The following MEGF9 variants were observed in gnomAD, a reference collection of about 807,000 sequenced individuals.
MEGF9 encodes multiple epidermal growth factor-like domains protein 9.
A neutral mutation model predicts 46.8 loss-of-function variants in MEGF9; 6 were observed. The observed-to-expected ratio is 0.13, with a 90% confidence interval of 0.07 to 0.25. MEGF9 has a LOEUF of 0.25. Among genes scored for constraint, MEGF9 ranks in the 10% least tolerant of loss-of-function variants. MEGF9 has a pLI of 1.00. For missense variants in MEGF9, 683 were observed against 792.4 expected (o/e 0.86, Z 1.66); for synonymous variants, 302 against 330.7 (o/e 0.91, Z 0.94).
intron 2 of MEGF9, among the ~76,000 whole-genome samples, chr9:120,627,498 C>T (rs950946640): frequency 6.6e-6 from 1 of 152,082 alleles, no homozygotes; most frequent in Non-Finnish European, 1.5e-5. Context: ...CTTGCTCTGT[C>T]ACCCAGGTTG....
intron 3 of MEGF9, among the ~76,000 whole-genome samples, chr9:120,621,056 G>A (rs764915069): frequency 4.6e-5 from 7 of 152,106 alleles, no homozygotes; most frequent in Non-Finnish European, 8.8e-5. Context: ...ATGTTTCCAA[G>A]GAAGGATACT....
intron 1 of MEGF9, among the ~76,000 whole-genome samples, chr9:120,690,490 T>C (rs1046942795): frequency 6.6e-6 from 1 of 152,176 alleles, no homozygotes; most frequent in African/African-American, 2.4e-5. Context: ...CAATGATACA[T>C]CAGATGTAGA....
intron 1 of MEGF9, among the ~76,000 whole-genome samples, chr9:120,713,140 C>G (rs1198372959): frequency 1.3e-5 from 2 of 152,220 alleles, no homozygotes; most frequent in African/African-American, 4.8e-5. Context: ...AGATACACAC[C>G]TGTCCCAAAT....
rs545565594 is a variant in MEGF9 at position 120,704,086 on chromosome 9, C to T, written c.601+9672G>A. Among the ~76,000 whole-genome samples, 23 of 152,306 alleles carry T rather than the reference C, an allele frequency of 1.5e-4. No homozygotes were observed. The South Asian group carries it at 4.8e-3, about 32-fold the overall frequency. On this transcript the variant is annotated intron_variant, in intron 1 of 5. Coordinates refer to ENST00000373930, the MANE Select transcript of MEGF9 (RefSeq NM_001080497.3). ...CGGTGGCTCACACCTGTAATCCCAG[C>T]ACTTTGGGAGGCCAAGGCGGGCGGA...
At chr9:120,684,132 G>C (rs1253030275) in intron 1 of MEGF9, among the ~76,000 whole-genome samples, 3 of 152,156 alleles carry the variant, frequency 2.0e-5, no homozygotes, top group Non-Finnish European at 4.4e-5. Flanking sequence ...AGGTAGACTA[G>C]GGCTACAGGT....
At chr9:120,701,249 A>G (rs2043903782) in intron 1 of MEGF9, among the ~76,000 whole-genome samples, 1 of 152,208 alleles carries the variant, frequency 6.6e-6, no homozygotes, top group East Asian at 1.9e-4. Flanking sequence ...TAAAAGCACT[A>G]GATTATTAAA....
chr9:120,601,647 T>C lies in MEGF9; in HGVS notation c.*3543A>G, dbSNP rs751710759. 2 of 152,234 alleles carry C rather than the reference T, an allele frequency of 1.3e-5. No individual in the cohort carries two copies. The highest frequency in any genetic ancestry group is 2.9e-5 in the Non-Finnish European group (2 of 68,034). 9.4% of individuals were successfully genotyped at this position (152,234 alleles called of 1,614,324 possible). ...GTTCTCTACTCTTAAAATCTAGGTA[T>C]CACTGGGAAGAGTAACGCACTAGGC... On this transcript the variant is annotated 3_prime_UTR_variant, in exon 6 of 6. Transcript: ENST00000373930.
chr9:120,658,061 T>G (rs1382993770), intron 2 of MEGF9, among the ~76,000 whole-genome samples: 1 of 152,120 alleles, frequency 6.6e-6, no homozygotes, highest in Admixed American at 6.5e-5. Flanking sequence ...CTCAGCTCAC[T>G]GCAACCTCCA....
chr9:120,665,258 T>G (rs1587988987), intron 1 of MEGF9, among the ~76,000 whole-genome samples: 1 of 151,622 alleles, frequency 6.6e-6, no homozygotes, highest in African/African-American at 2.4e-5. Context: ...TAGGCTGGAG[T>G]GTGGTGACAC....
chr9:120,622,611 C>T lies in MEGF9; in HGVS notation c.943+5G>A, dbSNP rs377327980. ...TTACATGACAAAGTTAAGGAAAGTA[C>T]GTACCTGTGAGGGCATCGCAACTGG... On this transcript the variant is annotated splice_donor_5th_base_variant and intron_variant, in intron 3 of 5. Coordinates refer to ENST00000373930, the MANE Select transcript of MEGF9 (RefSeq NM_001080497.3). 7.2e-5 allele frequency: 116 copies of T among 1,612,912 alleles called. No individual in the cohort carries two copies. Among genetic ancestry groups the T allele is most frequent in the Non-Finnish European group, 4.6e-5 (54 of 1,179,664 alleles).
In MEGF9 at chr9:120,601,596, C is replaced by G. The variant is rs1345596258; in HGVS notation, c.*3594G>C. On this transcript the variant is annotated 3_prime_UTR_variant, in exon 6 of 6. Coordinates refer to ENST00000373930, the MANE Select transcript of MEGF9 (RefSeq NM_001080497.3). ...TCTACAAATGTTGTCTAAAAAACCT[C>G]TCTCCTCTCATCCCATGTTTCCTCT... is the stretch of plus-strand genomic sequence containing the variant. 1 of 152,180 alleles carries G rather than the reference C, an allele frequency of 6.6e-6. No homozygotes were observed. Among genetic ancestry groups the G allele is most frequent in the African/African-American group, 2.4e-5 (1 of 41,438 alleles). 9.4% of individuals were successfully genotyped at this position (152,180 alleles called of 1,614,324 possible). A position where few individuals can be genotyped will look rare whatever the true frequency, so the allele number is the denominator to read the frequency against.
At chr9:120,609,998 T>C (rs1315189726) in intron 4 of MEGF9, among the ~76,000 whole-genome samples, 1 of 150,148 alleles carries the variant, frequency 6.7e-6, no homozygotes, top group African/African-American at 2.5e-5. Flanking sequence ...TCCCAGAGTG[T>C]GCAACTGATA....
intron 4 of MEGF9, among the ~76,000 whole-genome samples, chr9:120,608,650 C>T (rs1305847311): frequency 3.3e-5 from 5 of 152,120 alleles, no homozygotes; most frequent in Non-Finnish European, 4.4e-5. Flanking sequence ...TACTAACTTC[C>T]TGTACACCTG....
At chr9:120,678,318 T>C (rs1323614594) in intron 1 of MEGF9, among the ~76,000 whole-genome samples, 2 of 152,206 alleles carry the variant, frequency 1.3e-5, no homozygotes, top group Non-Finnish European at 2.9e-5. Context: ...GTGAGATTGA[T>C]GGATTGTATT....
rs768414264 is a variant in MEGF9, at chr9:120,605,438, T to G, written c.1561A>C (p.Ile521Leu). ...ATTAGCAGCACCACAACAATGATGA[T>G]GACTGTCAAAATGATGATGTTAAAT... Reference protein sequence around the residue: ...TQFNIIILTVIIIVVVLLMGF... With the variant: ...TQFNIIILTVLIIVVVLLMGF... The change falls in exon 6 of 6, where the codon ATC (isoleucine) becomes CTC (leucine). Residue 521 changes from isoleucine to leucine, a missense_variant. Physicochemically the swap from Ile to Leu is conservative, Grantham distance 5 (BLOSUM62 2). Around this residue, in one of 2 missense-constraint regions of MEGF9, gnomAD observed 313 missense variants for 421.1 expected, o/e 0.74. Coordinates refer to ENST00000373930, the MANE Select transcript of MEGF9 (RefSeq NM_001080497.3). This position sits in a 1 kb window ranked among gnomAD's most constrained non-coding sequence, Gnocchi z 4.0. 10 of 1,614,042 alleles carry G rather than the reference T, an allele frequency of 6.2e-6. No homozygotes were observed. Among genetic ancestry groups the G allele is most frequent in the Non-Finnish European group, 8.5e-6 (10 of 1,179,892 alleles).
At chr9:120,711,097 G>A (rs2043950853) in intron 1 of MEGF9, among the ~76,000 whole-genome samples, 1 of 152,204 alleles carries the variant, frequency 6.6e-6, no homozygotes, top group South Asian at 2.1e-4. Context: ...CAGCTTTACT[G>A]CAGTGTATAC....
intron 1 of MEGF9, among the ~76,000 whole-genome samples, chr9:120,698,636 G>A (rs760640201): frequency 3.3e-5 from 5 of 152,188 alleles, no homozygotes; most frequent in Non-Finnish European, 7.3e-5. Flanking sequence ...AGTTCTCACT[G>A]CTGTCTTTGA....
At chr9:120,675,134 A>G (rs1037153844) in intron 1 of MEGF9, among the ~76,000 whole-genome samples, 4 of 152,226 alleles carry the variant, frequency 2.6e-5, no homozygotes, top group South Asian at 2.1e-4. Flanking sequence ...GAGTTCACAC[A>G]TAAGTGTAAC....
chr9:120,622,417 C>CTTTTTTTT (rs59380409), intron 3 of MEGF9, among the ~76,000 whole-genome samples, 199 bp downstream of exon 3: 47,010 of 97,652 alleles, frequency 0.48, 12,280 homozygotes, highest in Non-Finnish European at 0.59. Context: ...AGGTATATGA[C>CTTTTTTTT]TTTTTTTTTT....
Sources: gnomAD v4.1 joint callset for allele counts (sites outside exome capture counted in the v4.1 genomes callset) on GRCh38, gnomAD v4.1.1 for gene constraint, gnomAD v4.1.1 regional missense constraint, Gnocchi (gnomAD v3.1) non-coding constraint, MANE v1.5 for transcripts, NCBI Gene and HGNC (gene_info 2026-07-23, HGNC 2026-07-21) for gene names.